The following HEYL variants were observed in gnomAD, a reference collection of about 807,000 sequenced individuals.
HEYL encodes hairy/enhancer-of-split related with YRPW motif-like protein.
HEYL carries 12 observed loss-of-function variants against 18.6 expected under a neutral mutation model. The observed-to-expected ratio is 0.65, with a 90% CI of 0.41 to 1.05. The LOEUF (loss-of-function observed/expected upper bound fraction) is 1.05. Among genes scored for constraint, HEYL ranks in the 50% least tolerant of loss-of-function variants. HEYL has a pLI of 0.00. For synonymous variants in HEYL, 159 were observed against 179.6 expected (o/e 0.89, Z 0.91); for missense variants, 420 against 444.7 (o/e 0.94, Z 0.50).
chr1:39,637,035 TA>T (rs1482936647), intron 1 of HEYL, among the ~76,000 whole-genome samples: 1 of 152,150 alleles, frequency 6.6e-6, no homozygotes, highest in Non-Finnish European at 1.5e-5. Context: ...CAGAAAGGGG[TA>T]AAAGTCACTG....
chr1:39,631,729 GAGA>G lies in HEYL; in HGVS notation c.148-153_148-151del, dbSNP rs150338155. ...TTATGGTGGAGAAAACCAAGGCCCA[GAGA>G]AGGACAGTGATTTGCTTAAGGTCAC... is the stretch of plus-strand genomic sequence containing the variant. On this transcript the variant is annotated intron_variant, in intron 2 of 4. Transcript: ENST00000372852. 7.2e-3 allele frequency: 4,831 copies of G among 670,170 alleles called. 144 individuals carry two copies. Among genetic ancestry groups the G allele is most frequent in the African/African-American group, 0.067 (3,753 of 56,092 alleles). The allele number at this position is 670,170 out of a possible 1,614,324, so 41.5% of individuals were successfully genotyped here.
chr1:39,631,541 G>A lies in HEYL; in HGVS notation c.186C>T (p.Ser62=). ...GGACCAAGCGTCGCAATTCAGAAAG[G>A]CTACTGTTGATGCGGTCTCGACGCC... ...EKRRRDRINS[S]LSELRRLVPT... Residue 62 remains serine (S), a synonymous_variant, in exon 3 of 5, where the codon AGC becomes AGT. Transcript: ENST00000372852. 2 of 1,614,220 alleles carry A rather than the reference G, an allele frequency of 1.2e-6. No individual in the cohort carries two copies. Among genetic ancestry groups the A allele is most frequent in the East Asian group, 2.2e-5 (1 of 44,892 alleles).
intron 3 of HEYL, among the ~76,000 whole-genome samples, chr1:39,630,898 C>A (rs1646329588): frequency 6.6e-6 from 1 of 152,226 alleles, no homozygotes; most frequent in Non-Finnish European, 1.5e-5. Context: ...TAGTTCATGG[C>A]TGGTCCTGTG....
intron 4 of HEYL, 68 bp from the exon 5 acceptor site, chr1:39,627,248 T>C: frequency 4.2e-6 from 6 of 1,429,926 alleles, no homozygotes; most frequent in Non-Finnish European, 4.8e-6. Context: ...GGTCTGACTG[T>C]CTGAGTTCTG....
At chr1:39,630,003 G>A (rs1646323307) in intron 4 of HEYL, among the ~76,000 whole-genome samples, 1 of 152,238 alleles carries the variant, frequency 6.6e-6, no homozygotes, top group South Asian at 2.1e-4. Flanking sequence ...CCAGGTCTAA[G>A]ACTGGAGGGA....
At chr1:39,637,485 A>G (rs182153386) in intron 1 of HEYL, among the ~76,000 whole-genome samples, 30 of 152,296 alleles carry the variant, frequency 2.0e-4, no homozygotes, top group African/African-American at 7.0e-4. Flanking sequence ...AGCAGGATAC[A>G]TCTGGGCCCC....
chr1:39,626,933 T>C lies in HEYL; in HGVS notation c.561A>G (p.Pro187=). Residue 187 remains proline (P), a synonymous_variant, in exon 5 of 5, where the codon CCA becomes CCG. Transcript: ENST00000372852. ...GGATGGCGAGCTGGTTGCTCAGGGC[T>C]GGCAGCCCTGGACAGCTATGGAAGA... The part of the protein sequence containing the change: ...WSFFHSCPGL[P]ALSNQLAILG... 6.2e-7 allele frequency: 1 copy of C among 1,613,062 alleles called. No homozygotes were observed. The highest frequency in any genetic ancestry group is 8.5e-7 in the Non-Finnish European group (1 of 1,179,232).
At chr1:39,639,476 G>C in intron 1 of HEYL, 70 bp downstream of exon 1, 1 of 1,354,834 alleles carries the variant, frequency 7.4e-7, no homozygotes, top group Non-Finnish European at 1.0e-6. Context: ...CGCCTGCTCG[G>C]CGAGCCCGTC....
At chr1:39,633,320 C>T (rs1270334109) in intron 1 of HEYL, 5 of 155,282 alleles carry the variant, frequency 3.2e-5, no homozygotes, top group Non-Finnish European at 5.6e-5. Flanking sequence ...TCTCCTCCCA[C>T]TCCGGGCCTT....
At position 39,626,920 on chromosome 1, in the gene HEYL, G is replaced by A. The variant is rs267598593; in HGVS notation, c.574C>T (p.Gln192Ter). Residue 192 changes from glutamine to a stop codon, truncating the protein, a stop_gained, in exon 5 of 5, where the codon CAG becomes TAG. Coordinates refer to ENST00000372852, the MANE Select transcript of HEYL (RefSeq NM_014571.4). LOFTEE classifies it low-confidence loss of function (END_TRUNC). ...SCPGLPALSN[Q>*]LAILGRVPSP... The stretch of plus-strand genomic sequence containing the variant: ...GGCACTCTTCCCAGGATGGCGAGCT[G>A]GTTGCTCAGGGCTGGCAGCCCTGGA... 1 of 1,611,610 alleles carries A rather than the reference G, an allele frequency of 6.2e-7. No individual in the cohort carries two copies. Among genetic ancestry groups the A allele is most frequent in the Non-Finnish European group, 8.5e-7 (1 of 1,178,212 alleles).
chr1:39,629,346 G>A (rs1472159104), intron 4 of HEYL, among the ~76,000 whole-genome samples: 1 of 152,084 alleles, frequency 6.6e-6, no homozygotes, highest in Non-Finnish European at 1.5e-5. Context: ...TTTTTTGGCA[G>A]AAGTTCCCAA....
At position 39,627,129 on chromosome 1, in the gene HEYL, C is replaced by G. The variant is rs773114404; in HGVS notation, c.365G>C (p.Arg122Pro). ...CCTGATGACCTCAGTGAGGCACTCC[C>G]GAAAACCAATGCTCCGGAAGTCAAC... is the stretch of plus-strand genomic sequence containing the variant. ...LAVDFRSIGFRECLTEVIRYL... is the reference protein window; with the variant it reads ...LAVDFRSIGFPECLTEVIRYL... The change falls in exon 5 of 5, where the codon CGG becomes CCG. Residue 122 changes from arginine (R) to proline (P), a missense_variant. Arg to Pro is a moderately radical substitution (Grantham distance 103). Coordinates refer to ENST00000372852, the MANE Select transcript of HEYL (RefSeq NM_014571.4). 1 of 1,613,824 alleles carries G rather than the reference C, an allele frequency of 6.2e-7. No homozygotes were observed. The highest frequency in any genetic ancestry group is 8.5e-7 in the Non-Finnish European group (1 of 1,179,894).
chr1:39,627,966 G>A (rs1445918812), intron 4 of HEYL, among the ~76,000 whole-genome samples: 1 of 152,172 alleles, frequency 6.6e-6, no homozygotes, highest in African/African-American at 2.4e-5. Context: ...GCTGTTATCG[G>A]CCAGGGACCC....
In HEYL at chr1:39,631,562, A is replaced by T; in HGVS notation, c.165T>A (p.Arg55=). The T allele has an allele frequency of 6.2e-7, 1 of 1,614,158 alleles. No individual in the cohort carries two copies. ...AAAGGCTACTGTTGATGCGGTCTCGACGCCGTTTCTCTATGATCTAAACAA... is the reference window on the plus strand; with the variant it reads ...AAAGGCTACTGTTGATGCGGTCTCGTCGCCGTTTCTCTATGATCTAAACAA... ...KKHRGIIEKR[R]RDRINSSLSE... is the part of the protein sequence containing the mutation. Residue 55 remains arginine, a synonymous_variant, in exon 3 of 5, where the codon CGT becomes CGA. Coordinates refer to ENST00000372852, the MANE Select transcript of HEYL (RefSeq NM_014571.4).
Position 39,626,469 on chromosome 1 carries a change from C to T in HEYL, c.*38G>A. On this transcript the variant is annotated 3_prime_UTR_variant, in exon 5 of 5. Transcript: ENST00000372852. ...TTTTTTGGGCTCCTGGTAAAAGAAC[C>T]TTCCTTATTCCTTGGGGCGGGGTGG... 6.9e-7 allele frequency: 1 copy of T among 1,449,990 alleles called. No individual in the cohort carries two copies. Among genetic ancestry groups the T allele is most frequent in the Non-Finnish European group, 9.1e-7 (1 of 1,099,098 alleles). 89.8% of individuals were successfully genotyped at this position (1,449,990 alleles called of 1,614,324 possible). A position where few individuals can be genotyped will look rare whatever the true frequency, so the allele number is the denominator to read the frequency against.
chr1:39,631,658 T>G (rs1157241117), intron 2 of HEYL, 79 bp from the exon 3 acceptor site: 5 of 1,104,958 alleles, frequency 4.5e-6, no homozygotes, highest in Non-Finnish European at 5.5e-6. Context: ...TCAACTCATA[T>G]TTACCCACAC....
chr1:39,628,763 G>A (rs962827995), intron 4 of HEYL, among the ~76,000 whole-genome samples: 2 of 151,662 alleles, frequency 1.3e-5, no homozygotes, highest in African/African-American at 4.8e-5. Context: ...ACACCCGGCT[G>A]ATTTCTTTTT....
At chr1:39,632,764 C>T (rs1258455709) in intron 1 of HEYL, 49 bp from the exon 2 acceptor site, 1 of 1,609,242 alleles carries the variant, frequency 6.2e-7, no homozygotes, top group Non-Finnish European at 8.5e-7. Flanking sequence ...GGACAGTCTC[C>T]CCGGCCTGGG....
At position 39,626,415 on chromosome 1, in the gene HEYL, C is replaced by T; in HGVS notation, c.*92G>A. ...ACGTGCCTTCACATATGAGCCAGTC[C>T]ATGAAGCAAAGCAGAAAAGGCAGTG... On this transcript the variant is annotated 3_prime_UTR_variant, in exon 5 of 5. Coordinates refer to ENST00000372852, the MANE Select transcript of HEYL (RefSeq NM_014571.4). 1 of 1,205,628 alleles carries T rather than the reference C, an allele frequency of 8.3e-7. No individual in the cohort carries two copies. Among genetic ancestry groups the T allele is most frequent in the Non-Finnish European group, 1.1e-6 (1 of 883,398 alleles). 74.7% of individuals were successfully genotyped at this position (1,205,628 alleles called of 1,614,324 possible). A position where few individuals can be genotyped will look rare whatever the true frequency, so the allele number is the denominator to read the frequency against.
Sources: allele counts gnomAD v4.1 joint callset (sites outside exome capture counted in the v4.1 genomes callset), GRCh38; gene constraint gnomAD v4.1.1; transcripts MANE v1.5; gene names NCBI Gene and HGNC (gene_info 2026-07-23, HGNC 2026-07-21).